Variants in CAPN8 observed in about 807,000 individuals in gnomAD.
CAPN8 encodes calpain-8.
Under a neutral mutation model 80.9 loss-of-function variants are expected in CAPN8, and 87 were observed. The ratio of observed to expected loss-of-function variants is 1.07; its 90% CI spans 0.90 to 1.28. The LOEUF is 1.28. Among genes scored for constraint, CAPN8 ranks in the 50% most tolerant of loss-of-function variants. The pLI is 0.00. For synonymous variants in CAPN8, 299 were observed against 273.8 expected (o/e 1.09, Z -0.91); for missense variants, 757 against 702.0 (o/e 1.08, Z -0.89).
chr1:223,641,001 AG>A (rs1284835667), intron 2 of CAPN8, among the ~76,000 whole-genome samples: 18 of 152,136 alleles, frequency 1.2e-4, no homozygotes, highest in Non-Finnish European at 2.1e-4. Flanking sequence ...GCAGAGCTAA[AG>A]CATTTGCAGC....
intron 1 of CAPN8, among the ~76,000 whole-genome samples, chr1:223,664,700 G>A (rs1658739036): frequency 6.6e-6 from 1 of 152,188 alleles, no homozygotes; most frequent in Non-Finnish European, 1.5e-5. Context: ...CACTTTGGGA[G>A]GCTGAGGTGG....
intron 1 of CAPN8, among the ~76,000 whole-genome samples, chr1:223,655,368 C>T (rs1658459535): frequency 6.6e-6 from 1 of 152,118 alleles, no homozygotes; most frequent in South Asian, 2.1e-4. Context: ...ATCTCATGGC[C>T]CTGGTGCTCT....
chr1:223,542,994 G>C, intron 20 of CAPN8, 114 bp downstream of exon 20: 1 of 1,143,536 alleles, frequency 8.7e-7, no homozygotes, highest in Non-Finnish European at 1.3e-6. Flanking sequence ...AACATGCATG[G>C]TATTCACATG....
In CAPN8 at chr1:223,545,508, A is replaced by G; in HGVS notation, c.1765-209T>C. On this transcript the variant is annotated intron_variant, in intron 16 of 20. Transcript: ENST00000366872. ...CCAAGGCTCTCCTCTGAGGCCAGGC[A>G]CAGAGCTAGGAACAAAGGGCAAGTC... 4.1e-6 allele frequency: 3 copies of G among 733,916 alleles called. No homozygotes were observed. The Admixed American group carries it at 8.8e-5, about 22-fold the overall frequency. The allele number at this position is 733,916 out of a possible 1,614,324, so 45.5% of individuals were successfully genotyped here. A position where few individuals can be genotyped will look rare whatever the true frequency, so the allele number is the denominator to read the frequency against.
intron 2 of CAPN8, among the ~76,000 whole-genome samples, chr1:223,629,677 CTTAT>C (rs1295005422): frequency 6.6e-6 from 1 of 152,188 alleles, no homozygotes; most frequent in Non-Finnish European, 1.5e-5. Flanking sequence ...CTCACCTCTA[CTTAT>C]TTGCTTATTC....
At chr1:223,634,280 C>T (rs371388707) in intron 2 of CAPN8, among the ~76,000 whole-genome samples, 6 of 152,108 alleles carry the variant, frequency 3.9e-5, no homozygotes, top group African/African-American at 1.2e-4. Flanking sequence ...GTAAGGAGCA[C>T]TCAGGTGGGG....
rs1290693557 is a variant in CAPN8 at position 223,625,898 on chromosome 1, G to C, written c.730-10C>G. On this transcript the variant is annotated splice_polypyrimidine_tract_variant and intron_variant, in intron 5 of 20. Coordinates refer to ENST00000366872, the MANE Select transcript of CAPN8 (RefSeq NM_001143962.2). Reference sequence around the variant, plus strand: ...CGGCTGCACTGGAGACCTGCGTAGAGAAGAAAGTCCACTCAGTGGCTGACC... The same window carrying C: ...CGGCTGCACTGGAGACCTGCGTAGACAAGAAAGTCCACTCAGTGGCTGACC... 6.5e-7 allele frequency: 1 copy of C among 1,549,154 alleles called. No homozygotes were observed. Among genetic ancestry groups the C allele is most frequent in the African/African-American group, 1.4e-5 (1 of 72,986 alleles).
chr1:223,646,056 C>A (rs945720535), intron 2 of CAPN8, among the ~76,000 whole-genome samples: 1 of 152,160 alleles, frequency 6.6e-6, no homozygotes, highest in African/African-American at 2.4e-5. Context: ...CAGGGAAGAT[C>A]CAATCCACTT....
At chr1:223,627,927 T>G in intron 4 of CAPN8, 82 bp downstream of exon 4, 1 of 1,421,990 alleles carries the variant, frequency 7.0e-7, no homozygotes, top group Non-Finnish European at 9.3e-7. Context: ...GAGTTTGGGG[T>G]GGGGAGGCAG....
intron 1 of CAPN8, among the ~76,000 whole-genome samples, chr1:223,662,356 G>A (rs1343136542): frequency 2.0e-5 from 3 of 152,074 alleles, no homozygotes; most frequent in Admixed American, 6.5e-5. Context: ...GGCTGAGGCA[G>A]GAGAATCGCT....
In CAPN8 at chr1:223,626,986, C is replaced by T. The variant is rs1193761310; in HGVS notation, c.729+3G>A. 6.4e-7 allele frequency: 1 copy of T among 1,550,650 alleles called. No homozygotes were observed. The highest frequency in any genetic ancestry group is 8.7e-7 in the Non-Finnish European group (1 of 1,146,178). The stretch of plus-strand genomic sequence containing the variant: ...GGGGCAGTAGAGAAGCCATATGCCT[C>T]ACATCAATGGAGCAGCCCAGCAGAG... On this transcript the variant is annotated splice_donor_region_variant and intron_variant, in intron 5 of 20. Transcript: ENST00000366872.
At chr1:223,634,623 C>G (rs1031970986) in intron 2 of CAPN8, among the ~76,000 whole-genome samples, 5 of 152,166 alleles carry the variant, frequency 3.3e-5, no homozygotes, top group Non-Finnish European at 4.4e-5. Flanking sequence ...ATCAAAGCAC[C>G]AGCAGAGTTG....
intron 14 of CAPN8, among the ~76,000 whole-genome samples, chr1:223,551,438 G>A (rs1410888557): frequency 2.0e-5 from 3 of 152,102 alleles, no homozygotes; most frequent in Non-Finnish European, 4.4e-5. Flanking sequence ...ACCGTGCCCG[G>A]CTGGCCCTGT....
intron 2 of CAPN8, among the ~76,000 whole-genome samples, chr1:223,649,652 T>C (rs939934640): frequency 3.3e-5 from 5 of 152,216 alleles, no homozygotes; most frequent in Non-Finnish European, 5.9e-5. Context: ...TCTAAATGCC[T>C]GATCCATCTT....
chr1:223,554,024 G>A (rs1333751168), intron 13 of CAPN8, 124 bp from the exon 14 acceptor site: 2 of 394,592 alleles, frequency 5.1e-6, no homozygotes, highest in Admixed American at 8.9e-5. Flanking sequence ...CCAGGCTTTG[G>A]GCTAAGTGGG....
At chr1:223,627,911 C>A in intron 4 of CAPN8, 98 bp downstream of exon 4, 1 of 1,368,524 alleles carries the variant, frequency 7.3e-7, no homozygotes, top group Non-Finnish European at 9.7e-7. Context: ...GACGCCATGA[C>A]GCCCTGAGTT....
chr1:223,557,501 T>C lies in CAPN8; in HGVS notation c.1572+630A>G, dbSNP rs898377963. On this transcript the variant is annotated intron_variant, in intron 13 of 20. Coordinates refer to ENST00000366872, the MANE Select transcript of CAPN8 (RefSeq NM_001143962.2). ...GCTCTCAGGGAGCAGCAGCACCCAA[T>C]ATACCCATCATCCGCCACACCCACC... Among the ~76,000 whole-genome samples, 13 of 152,174 alleles carry C rather than the reference T, an allele frequency of 8.5e-5. No individual in the cohort carries two copies. The South Asian group carries it at 2.5e-3, about 29-fold the overall frequency.
At position 223,550,948 on chromosome 1, in the gene CAPN8, G is replaced by A; in HGVS notation, c.1699+12C>T. The A allele has an allele frequency of 1.4e-6, 1 of 717,860 alleles. No homozygotes were observed. Among genetic ancestry groups the A allele is most frequent in the South Asian group, 1.5e-5 (1 of 67,546 alleles). 44.5% of individuals were successfully genotyped at this position (717,860 alleles called of 1,614,324 possible). A position where few individuals can be genotyped will look rare whatever the true frequency, so the allele number is the denominator to read the frequency against. ...CTACGGACTTTCTGAAAGACCCCAA[G>A]AAGGAACTTACTCTTGGAAAACGCC... On this transcript the variant is annotated intron_variant, in intron 15 of 20. Coordinates refer to ENST00000366872, the MANE Select transcript of CAPN8 (RefSeq NM_001143962.2).
chr1:223,660,582 A>T (rs1179528622), intron 1 of CAPN8, among the ~76,000 whole-genome samples: 1 of 152,256 alleles, frequency 6.6e-6, no homozygotes, highest in Non-Finnish European at 1.5e-5. Flanking sequence ...TCAATTGCTT[A>T]TGAATAGGCA....
Sources: gnomAD v4.1 joint callset for allele counts (sites outside exome capture counted in the v4.1 genomes callset) on GRCh38, gnomAD v4.1.1 for gene constraint, MANE v1.5 for transcripts, NCBI Gene and HGNC (gene_info 2026-07-23, HGNC 2026-07-21) for gene names.